HNF4G: variants seen among roughly 807,000 people sequenced by gnomAD.
HNF4G encodes the protein hepatocyte nuclear factor 4-gamma.
Under a neutral mutation model 50.9 loss-of-function variants are expected in HNF4G, and 21 were observed. The observed-to-expected ratio is 0.41, with a 90% CI of 0.29 to 0.59. HNF4G has a LOEUF of 0.59. Among genes scored for constraint, HNF4G ranks in the 20% least tolerant of loss-of-function variants. The probability of loss-of-function intolerance (pLI) is 0.26; values close to 1 mark genes in which losing one functional copy is unlikely to be tolerated. For missense variants in HNF4G, 527 were observed against 559.4 expected, an observed-to-expected ratio of 0.94 and a Z score of 0.58; for synonymous variants, 198 against 185.6, an observed-to-expected ratio of 1.07 and a Z score of -0.54.
chr8:75,500,505 TTC>T (rs2130703699), intron 2 of HNF4G, among the ~76,000 whole-genome samples: 1 of 152,254 alleles, frequency 6.6e-6, no homozygotes, highest in South Asian at 2.1e-4. Context: ...ATCTAGCAAT[TTC>T]TCTCTAGAAC....
chr8:75,532,529 A>G lies in HNF4G; in HGVS notation c.-23-11282A>G, dbSNP rs150303038. 4.5e-3 allele frequency among the ~76,000 whole-genome samples: 680 copies of G among 152,182 alleles called. 5 individuals are homozygous for G. Among genetic ancestry groups the G allele is most frequent in the African/African-American group, 0.016 (656 of 41,534 alleles). ...CTTACTTTTTATACCACATTGAATC[A>G]TGCTTCCCAAACATTACCTCTTAAA... On this transcript the variant is annotated intron_variant, in intron 2 of 10. Coordinates refer to the HNF4G transcript ENST00000354370.
intron 1 of HNF4G, among the ~76,000 whole-genome samples, chr8:75,475,912 T>A (rs1349279642): frequency 6.6e-6 from 1 of 152,150 alleles, no homozygotes; most frequent in Admixed American, 6.5e-5. Context: ...TTGTTGAACT[T>A]CATTTTTGAA....
chr8:75,557,417 C>T (rs769689077), intron 6 of HNF4G, among the ~76,000 whole-genome samples: 1 of 152,046 alleles, frequency 6.6e-6, no homozygotes, highest in Non-Finnish European at 1.5e-5. Context: ...GTCAGGAGTT[C>T]GAGACCAGCC....
chr8:75,417,794 A>G (rs1810677308), intron 1 of HNF4G, among the ~76,000 whole-genome samples: 1 of 152,156 alleles, frequency 6.6e-6, no homozygotes, highest in Admixed American at 6.5e-5. Context: ...ATTTTGTAAA[A>G]CCCTGAACAT....
In HNF4G at chr8:75,520,666, G is replaced by A. The variant is rs529572752; in HGVS notation, c.-23-23145G>A. ...ATGCCCAGGCTGGTCTCAAACTCCC[G>A]AGCTCAAATGATCCATGCCCCTCAG... On this transcript the variant is annotated intron_variant, in intron 2 of 10. Coordinates refer to the HNF4G transcript ENST00000354370. Among the ~76,000 whole-genome samples the A allele has an allele frequency of 2.5e-4, 38 of 152,026 alleles. No homozygotes were observed. In the South Asian group the frequency reaches 6.2e-3, roughly 25 times the overall value.
chr8:75,492,398 A>T (rs985338213), intron 2 of HNF4G, among the ~76,000 whole-genome samples: 1 of 152,204 alleles, frequency 6.6e-6, no homozygotes, highest in Non-Finnish European at 1.5e-5. Context: ...AATCTTAATG[A>T]AAGATTAAAG....
chr8:75,477,574 T>C (rs1213018022), intron 1 of HNF4G, among the ~76,000 whole-genome samples: 2 of 152,120 alleles, frequency 1.3e-5, no homozygotes, highest in Non-Finnish European at 2.9e-5. Flanking sequence ...CTACCCAAAC[T>C]AAATGAAACT....
chr8:75,421,503 T>G (rs540180553), intron 1 of HNF4G, among the ~76,000 whole-genome samples: 1 of 152,368 alleles, frequency 6.6e-6, no homozygotes, highest in Non-Finnish European at 1.5e-5. Flanking sequence ...ACGAAAAACC[T>G]ATCATCTCTA....
chr8:75,424,610 G>A (rs747469742), intron 1 of HNF4G, among the ~76,000 whole-genome samples: 5 of 152,098 alleles, frequency 3.3e-5, no homozygotes, highest in African/African-American at 4.8e-5. Flanking sequence ...CCAAGATTTA[G>A]TGCCCACTTA....
At chr8:75,409,745 C>T (rs551498773) in intron 1 of HNF4G, among the ~76,000 whole-genome samples, 10 of 152,150 alleles carry the variant, frequency 6.6e-5, no homozygotes, top group African/African-American at 2.4e-4. Context: ...TCTTGACATC[C>T]CAAAGTGCTG....
In HNF4G at chr8:75,553,161, T is replaced by C; in HGVS notation, c.609T>C (p.Tyr203=). 6.2e-7 allele frequency: 1 copy of C among 1,613,100 alleles called. No homozygotes were observed. The highest frequency in any genetic ancestry group is 8.5e-7 in the Non-Finnish European group (1 of 1,179,262). The change falls in exon 5 of 10, where the codon TAT becomes TAC. Residue 203 remains tyrosine (Y), a synonymous_variant. Transcript: ENST00000396423. Reference sequence around the variant, plus strand: ...TAGTCTTGGTGGAATGGGCTAAATATATTCCTGCCTTCTGTGAATTACCAT... The same window carrying C: ...TAGTCTTGGTGGAATGGGCTAAATACATTCCTGCCTTCTGTGAATTACCAT... ...QLLVLVEWAK[Y]IPAFCELPLD... is the part of the protein sequence containing the mutation.
At chr8:75,518,130 C>A in intron 2 of HNF4G, among the ~76,000 whole-genome samples, 1 of 110,352 alleles carries the variant, frequency 9.1e-6, no homozygotes, top group Non-Finnish European at 1.8e-5. Context: ...TAATGCTATC[C>A]CTCCCCCCTC....
intron 5 of HNF4G, among the ~76,000 whole-genome samples, chr8:75,554,334 G>A (rs2130806375): frequency 6.6e-6 from 1 of 152,186 alleles, no homozygotes; most frequent in Non-Finnish European, 1.5e-5. Context: ...TATATTCAGT[G>A]ATTTAAAAAT....
chr8:75,560,956 A>G (rs904943678), intron 9 of HNF4G, among the ~76,000 whole-genome samples: 1 of 152,170 alleles, frequency 6.6e-6, no homozygotes, highest in African/African-American at 2.4e-5. Flanking sequence ...TAATTAAAAC[A>G]TTAGGAATAT....
chr8:75,410,225 A>C (rs1810468967), intron 1 of HNF4G, among the ~76,000 whole-genome samples: 1 of 152,202 alleles, frequency 6.6e-6, no homozygotes, highest in Non-Finnish European at 1.5e-5. Flanking sequence ...TTCTGAGAAG[A>C]GAATTGTTGG....
intron 2 of HNF4G, among the ~76,000 whole-genome samples, chr8:75,493,941 T>C (rs1189609948): frequency 6.6e-6 from 1 of 152,212 alleles, no homozygotes; most frequent in Non-Finnish European, 1.5e-5. Context: ...TTTGCAGACA[T>C]ATACATCAAT....
chr8:75,490,152 C>T (rs879882201), exon 2 of HNF4G: 1 of 152,624 alleles, frequency 6.6e-6, no homozygotes, highest in Non-Finnish European at 1.5e-5. Context: ...CAGCTTACTC[C>T]TTGTATTGAT....
At chr8:75,438,059 CT>C (rs1392148695) in intron 1 of HNF4G, among the ~76,000 whole-genome samples, 1 of 152,116 alleles carries the variant, frequency 6.6e-6, no homozygotes, top group East Asian at 1.9e-4. Context: ...TTGTTTCTTG[CT>C]TGCTTGATGT....
chr8:75,543,956 T>C lies in HNF4G; in HGVS notation c.264T>C (p.Arg88=). The C allele has an allele frequency of 6.3e-7, 1 of 1,598,434 alleles. No individual in the cohort carries two copies. Reference sequence around the variant, plus strand: ...AGGGTTTCTTCAGACGCAGCATTCGTAAGAGTCACGTTTATTCTTGCAGGT... The same window carrying C: ...AGGGTTTCTTCAGACGCAGCATTCGCAAGAGTCACGTTTATTCTTGCAGGT... The part of the protein sequence containing the change: ...GCKGFFRRSI[R]KSHVYSCRFS... The change falls in exon 2 of 10, where the codon CGT becomes CGC. Residue 88 remains arginine (R), a synonymous_variant. Coordinates refer to ENST00000396423, the MANE Select transcript of HNF4G (RefSeq NM_004133.5).
Sources: allele counts gnomAD v4.1 joint callset (sites outside exome capture counted in the v4.1 genomes callset), GRCh38; gene constraint gnomAD v4.1.1; transcripts MANE v1.5; gene names NCBI Gene and HGNC (gene_info 2026-07-23, HGNC 2026-07-21).